Variants in C12orf42 observed in about 807,000 individuals in gnomAD.
C12orf42 encodes chromosome 12 open reading frame 42, also known as uncharacterized protein C12orf42.
Under a neutral mutation model 21.6 loss-of-function variants are expected in C12orf42, and 25 were observed. That is an observed-to-expected ratio of 1.16 (90% CI 0.84 to 1.62). C12orf42 has a LOEUF of 1.62. C12orf42 is among the 40% of genes most tolerant of loss of function. The pLI, the probability that C12orf42 is intolerant of heterozygous loss-of-function variation, is 0.00. For synonymous variants in C12orf42, 174 were observed against 175.0 expected (o/e 0.99, Z 0.05); for missense variants, 483 against 459.3 (o/e 1.05, Z -0.47).
At chr12:103,198,561 C>G in the C12orf42 span, among the ~76,000 whole-genome samples, 1 of 152,222 alleles carries the variant, frequency 6.6e-6, no homozygotes, top group Non-Finnish European at 1.5e-5. Context: ...TCATGCCAAA[C>G]GATCTGGGCT....
the C12orf42 span, chr12:103,162,727 TAA>T: frequency 6.6e-6 from 1 of 152,104 alleles, no homozygotes; most frequent in Non-Finnish European, 1.5e-5. Flanking sequence ...TTGGCTGAAA[TAA>T]AAACTCAAAG....
At chr12:103,082,372 T>C in the C12orf42 span, among the ~76,000 whole-genome samples, 1 of 152,242 alleles carries the variant, frequency 6.6e-6, no homozygotes, top group Non-Finnish European at 1.5e-5. Flanking sequence ...ACAATAATTA[T>C]GGCCTAACCA....
chr12:103,426,296 C>G (rs553148075), intron 2 of C12orf42, among the ~76,000 whole-genome samples: 4 of 152,084 alleles, frequency 2.6e-5, no homozygotes, highest in African/African-American at 9.7e-5. Context: ...AAACACAGCA[C>G]GAGAACTTCT....
intron 1 of C12orf42, among the ~76,000 whole-genome samples, chr12:103,493,627 C>G (rs1054195683): frequency 6.6e-6 from 1 of 151,534 alleles, no homozygotes; most frequent in South Asian, 2.1e-4. Flanking sequence ...TTTATTTTAC[C>G]CCCTTACATC....
At chr12:103,495,272 G>A (rs1324372453) in intron 1 of C12orf42, among the ~76,000 whole-genome samples, 16 of 152,096 alleles carry the variant, frequency 1.1e-4, no homozygotes, top group African/African-American at 3.6e-4. Context: ...AGCGGGACAG[G>A]GAGAGTGTCT....
At chr12:103,274,450 C>T (rs1043026120) in intron 5 of C12orf42, among the ~76,000 whole-genome samples, 2 of 152,198 alleles carry the variant, frequency 1.3e-5, no homozygotes, top group South Asian at 2.1e-4. Context: ...TAATTTTTTT[C>T]TTTCCCTTAG....
chr12:103,472,722 A>G (rs528338994), intron 2 of C12orf42, among the ~76,000 whole-genome samples: 63 of 152,250 alleles, frequency 4.1e-4, no homozygotes, highest in Non-Finnish European at 7.2e-4. Context: ...GGAGATGGAA[A>G]GGCCATAGCA....
At chr12:103,484,875 T>G (rs1170198374) in intron 1 of C12orf42, among the ~76,000 whole-genome samples, 2 of 142,768 alleles carry the variant, frequency 1.4e-5, no homozygotes, top group African/African-American at 2.6e-5. Flanking sequence ...TTTTTTTTTT[T>G]TTTTTTTTTT....
chr12:103,315,985 T>C (rs529906277), intron 4 of C12orf42, among the ~76,000 whole-genome samples: 56 of 150,140 alleles, frequency 3.7e-4, no homozygotes, highest in African/African-American at 1.3e-3. Context: ...TATATATATA[T>C]ATACACACAC....
chr12:103,240,875 TATA>T (rs1163138329), intron 10 of C12orf42, among the ~76,000 whole-genome samples: 1 of 152,132 alleles, frequency 6.6e-6, no homozygotes, highest in African/African-American at 2.4e-5. Flanking sequence ...AAGCACTTAA[TATA>T]ATATTTAAAA....
At chr12:103,337,839 CT>C (rs1380767520) in intron 4 of C12orf42, among the ~76,000 whole-genome samples, 2 of 152,058 alleles carry the variant, frequency 1.3e-5, no homozygotes, top group Non-Finnish European at 2.9e-5. Context: ...TCACAACTCT[CT>C]ACTCTCTGTC....
intron 2 of C12orf42, among the ~76,000 whole-genome samples, chr12:103,433,284 T>C (rs1950403225): frequency 6.6e-6 from 1 of 152,248 alleles, no homozygotes; most frequent in African/African-American, 2.4e-5. Flanking sequence ...ATACAAATAC[T>C]GTAGCTAATA....
chr12:103,374,406 T>C (rs1242093911), intron 3 of C12orf42, among the ~76,000 whole-genome samples: 1 of 152,086 alleles, frequency 6.6e-6, no homozygotes, highest in Non-Finnish European at 1.5e-5. Context: ...ATTGTGAGGA[T>C]GGTAGAGTCT....
chr12:103,267,443 T>C (rs1003640355), downstream of C12orf42, among the ~76,000 whole-genome samples: 1 of 152,126 alleles, frequency 6.6e-6, no homozygotes, highest in Non-Finnish European at 1.5e-5. Flanking sequence ...TATGTATACA[T>C]ACATATACAT....
At chr12:103,539,793 C>A in the C12orf42 span, among the ~76,000 whole-genome samples, 3 of 151,930 alleles carry the variant, frequency 2.0e-5, no homozygotes, top group African/African-American at 7.3e-5. Flanking sequence ...GTTGGCCAGG[C>A]TGGTCTTGAA....
chr12:103,280,041 CAACAAT>C (rs1442229929), intron 4 of C12orf42, among the ~76,000 whole-genome samples: 1 of 152,132 alleles, frequency 6.6e-6, no homozygotes, highest in African/African-American at 2.4e-5. Context: ...TTAACAACAT[CAACAAT>C]AATAATATTA....
At chr12:103,544,550 A>G in the C12orf42 span, among the ~76,000 whole-genome samples, 1 of 152,120 alleles carries the variant, frequency 6.6e-6, no homozygotes, top group African/African-American at 2.4e-5. Flanking sequence ...GATGTTTTTC[A>G]TCAGTCCTGG....
chr12:103,476,131 C>T (rs1954031372), intron 2 of C12orf42, among the ~76,000 whole-genome samples: 1 of 152,132 alleles, frequency 6.6e-6, no homozygotes, highest in Non-Finnish European at 1.5e-5. Flanking sequence ...TCAGAGCATA[C>T]AGCAAATTTA....
At chr12:103,469,760 AGAAAAGCCACATC>A (rs1370065778) in intron 2 of C12orf42, among the ~76,000 whole-genome samples, 2 of 152,248 alleles carry the variant, frequency 1.3e-5, no homozygotes, top group Non-Finnish European at 2.9e-5. Flanking sequence ...ATTGCTCTGC[AGAAAAGCCACATC>A]GATTAGACAG....
Sources: allele counts gnomAD v4.1 joint callset (sites outside exome capture counted in the v4.1 genomes callset), GRCh38; gene constraint gnomAD v4.1.1; transcripts MANE v1.5; gene names NCBI Gene and HGNC (gene_info 2026-07-23, HGNC 2026-07-21).